ST3GAL1: variants seen among roughly 807,000 people sequenced by gnomAD.
ST3GAL1 encodes CMP-N-acetylneuraminate-beta-galactosamide-alpha-2,3-sialyltransferase 1.
Under a neutral mutation model 34.1 loss-of-function variants are expected in ST3GAL1, and 16 were observed. The observed-to-expected ratio is 0.47, with a 90% CI of 0.32 to 0.71. ST3GAL1 has a LOEUF of 0.71. ST3GAL1 is among the 30% of genes least tolerant of loss of function. The pLI, the probability that ST3GAL1 is intolerant of heterozygous loss-of-function variation, is 0.04. For missense variants in ST3GAL1, 353 were observed against 447.4 expected, an observed-to-expected ratio of 0.79 and a Z score of 1.90; for synonymous variants, 191 against 184.7, an observed-to-expected ratio of 1.03 and a Z score of -0.28.
At chr8:133,497,002 C>CA (rs1225642008) in intron 3 of ST3GAL1, among the ~76,000 whole-genome samples, 2 of 152,248 alleles carry the variant, frequency 1.3e-5, no homozygotes, top group Non-Finnish European at 2.9e-5. Flanking sequence ...GCCCCATGAA[C>CA]TGCTCCCCCA....
At position 133,458,676 on chromosome 8, in the gene ST3GAL1, T is replaced by TGG. The variant is rs1022081442; in HGVS notation, c.*1086_*1087dup. The TGG allele has an allele frequency of 5.3e-5, 8 of 152,320 alleles. No individual in the cohort carries two copies. The highest frequency in any genetic ancestry group is 1.9e-4 in the African/African-American group (8 of 41,566). The allele number at this position is 152,320 out of a possible 1,614,324, so 9.4% of individuals were successfully genotyped here. ...GCTACGGAGCAAGCAGGGCCGCTGG[T>TGG]GGGGGTCCCTTTTCCCAAGTAAGGG... is the stretch of plus-strand genomic sequence containing the variant. On this transcript the variant is annotated 3_prime_UTR_variant, in exon 10 of 10. Transcript: ENST00000522652.
At chr8:133,479,833 G>A (rs1030107857) in intron 3 of ST3GAL1, among the ~76,000 whole-genome samples, 3 of 152,154 alleles carry the variant, frequency 2.0e-5, no homozygotes, top group Admixed American at 1.3e-4. Flanking sequence ...ATCATTTAGC[G>A]CTTTCCAAAG....
chr8:133,540,587 C>T (rs1055594126), intron 2 of ST3GAL1, among the ~76,000 whole-genome samples: 5 of 151,796 alleles, frequency 3.3e-5, no homozygotes, highest in Non-Finnish European at 7.4e-5. Flanking sequence ...TTGCTCTTTC[C>T]TGTCCGTCAT....
At position 133,556,555 on chromosome 8, in the gene ST3GAL1, A is replaced by G. The variant is rs1563741503; in HGVS notation, c.-581-10629T>C. On this transcript the variant is annotated intron_variant, in intron 1 of 9. Coordinates refer to ENST00000522652, the MANE Select transcript of ST3GAL1 (RefSeq NM_173344.3). The surrounding 1 kb of genome is among the most constrained non-coding windows in gnomAD (Gnocchi z 8.9). ...GAAACATGGACCTGTTTGTCTTCTA[A>G]GCAACCTCAGCTAATGAAGGCTGCA... 1.3e-5 allele frequency among the ~76,000 whole-genome samples: 2 copies of G among 152,222 alleles called. No homozygotes were observed. The highest frequency in any genetic ancestry group is 2.1e-4 in the South Asian group (1 of 4,836).
rs1182394748 is a variant in ST3GAL1, at chr8:133,540,812, CATAT to C, written c.-429+4958_-429+4961del. On this transcript the variant is annotated intron_variant, in intron 2 of 9. Coordinates refer to ENST00000522652, the MANE Select transcript of ST3GAL1 (RefSeq NM_173344.3). The stretch of plus-strand genomic sequence containing the variant: ...ATATATAGACATATATATAGAGAGA[CATAT>C]ATATATAGACATATATATAGAGAGA... Among the ~76,000 whole-genome samples the C allele has an allele frequency of 7.9e-3, 777 of 98,396 alleles. 37 individuals are homozygous for C. The highest frequency in any genetic ancestry group is 0.012 in the Non-Finnish European group (552 of 44,970). 64.6% of individuals were successfully genotyped at this position (98,396 alleles called of 152,430 possible).
At chr8:133,520,311 A>G (rs1267707844) in intron 2 of ST3GAL1, among the ~76,000 whole-genome samples, 2 of 152,220 alleles carry the variant, frequency 1.3e-5, no homozygotes, top group African/African-American at 4.8e-5. Flanking sequence ...GCTGCTTGGT[A>G]TATATTCCGT....
intron 5 of ST3GAL1, among the ~76,000 whole-genome samples, chr8:133,470,142 A>G (rs3779922): frequency 0.1 from 15,440 of 152,254 alleles, 860 homozygotes; most frequent in Admixed American, 0.18. Flanking sequence ...AGTGCTGGCC[A>G]GGTGCGGTGG....
Position 133,461,797 on chromosome 8 carries a change from C to T in ST3GAL1, c.849+78G>A. On this transcript the variant is annotated intron_variant, in intron 9 of 9. Transcript: ENST00000522652. The surrounding 1 kb of genome is among the most constrained non-coding windows in gnomAD (Gnocchi z 4.7). ...GAGGCAGGCTAGGTCTACCTGCCCT[C>T]CCCCTCCCTGGCCTCTCTTGGGAAC... The T allele has an allele frequency of 6.3e-7, 1 of 1,587,344 alleles. No homozygotes were observed. The highest frequency in any genetic ancestry group is 1.3e-5 in the African/African-American group (1 of 74,682).
At chr8:133,541,161 T>C (rs1818518007) in intron 2 of ST3GAL1, among the ~76,000 whole-genome samples, 1 of 77,338 alleles carries the variant, frequency 1.3e-5, no homozygotes, top group Non-Finnish European at 2.8e-5. Flanking sequence ...AGACTGTGTG[T>C]CTCTCCCTCT....
intron 3 of ST3GAL1, among the ~76,000 whole-genome samples, chr8:133,481,661 A>G (rs1816397712): frequency 6.6e-6 from 1 of 151,870 alleles, no homozygotes; most frequent in African/African-American, 2.4e-5. Context: ...ATGCCTGGCT[A>G]ATTTTTGTAT....
chr8:133,476,120 C>A, intron 4 of ST3GAL1, 46 bp from the exon 5 acceptor site: 1 of 1,360,430 alleles, frequency 7.4e-7, no homozygotes, highest in South Asian at 1.5e-5. Flanking sequence ...GGTGGAGGCT[C>A]AATCAAAAGG....
chr8:133,565,632 G>T (rs905313304), intron 1 of ST3GAL1, among the ~76,000 whole-genome samples: 2 of 152,174 alleles, frequency 1.3e-5, no homozygotes, highest in African/African-American at 4.8e-5. Flanking sequence ...TGGCACTACT[G>T]GGTGTACATT....
chr8:133,541,982 T>C (rs938326065), intron 2 of ST3GAL1, among the ~76,000 whole-genome samples: 2 of 152,198 alleles, frequency 1.3e-5, no homozygotes, highest in Non-Finnish European at 2.9e-5. Context: ...TATGAACCTA[T>C]GGTGATTTTA....
intron 3 of ST3GAL1, among the ~76,000 whole-genome samples, chr8:133,496,527 A>G (rs1816950248): frequency 6.6e-6 from 1 of 152,216 alleles, no homozygotes; most frequent in African/African-American, 2.4e-5. Flanking sequence ...GCATTTCCAG[A>G]TCACAGAGGA....
intron 2 of ST3GAL1, among the ~76,000 whole-genome samples, chr8:133,520,343 G>C (rs1418448769): frequency 2.0e-5 from 3 of 152,226 alleles, no homozygotes; most frequent in African/African-American, 7.2e-5. Context: ...TCTTGCTGGA[G>C]GCAGCCCCCT....
At chr8:133,560,117 G>A (rs954813269) in intron 1 of ST3GAL1, among the ~76,000 whole-genome samples, 5 of 152,152 alleles carry the variant, frequency 3.3e-5, no homozygotes, top group African/African-American at 9.7e-5. Flanking sequence ...TAGAAGAGAG[G>A]ATTTTGAATG....
intron 3 of ST3GAL1, among the ~76,000 whole-genome samples, chr8:133,495,988 C>G (rs1410472150): frequency 6.6e-6 from 1 of 152,180 alleles, no homozygotes; most frequent in African/African-American, 2.4e-5. Flanking sequence ...CCCAGGCCCT[C>G]ATAAGCACTT....
chr8:133,456,639 T>C lies in ST3GAL1; in HGVS notation c.*3125A>G, dbSNP rs1815312044. On this transcript the variant is annotated 3_prime_UTR_variant, in exon 10 of 10. Coordinates refer to ENST00000522652, the MANE Select transcript of ST3GAL1 (RefSeq NM_173344.3). Reference sequence around the variant, plus strand: ...TAAGCCAGACTGGTGCATTTAATTCTGGCTGCAACAACTGGATTCTGTTAA... The same window carrying C: ...TAAGCCAGACTGGTGCATTTAATTCCGGCTGCAACAACTGGATTCTGTTAA... 1 of 152,296 alleles carries C rather than the reference T, an allele frequency of 6.6e-6. No homozygotes were observed. The highest frequency in any genetic ancestry group is 6.5e-5 in the Admixed American group (1 of 15,292). 9.4% of individuals were successfully genotyped at this position (152,296 alleles called of 1,614,324 possible).
chr8:133,530,639 TTTG>T (rs921850837), intron 2 of ST3GAL1, among the ~76,000 whole-genome samples: 4 of 152,140 alleles, frequency 2.6e-5, no homozygotes, highest in East Asian at 1.9e-4. Context: ...CACCAAGGCT[TTTG>T]TTGTTGTTGT....
Sources: gnomAD v4.1 joint callset for allele counts (sites outside exome capture counted in the v4.1 genomes callset) on GRCh38, gnomAD v4.1.1 for gene constraint, Gnocchi (gnomAD v3.1) non-coding constraint, MANE v1.5 for transcripts, NCBI Gene and HGNC (gene_info 2026-07-23, HGNC 2026-07-21) for gene names.